ZNF326: variants seen among roughly 807,000 people sequenced by gnomAD.
ZNF326 encodes the protein DBIRD complex subunit ZNF326.
In ZNF326, 30 loss-of-function variants were observed where a neutral mutation model predicts 63.1. The observed-to-expected ratio is 0.48, with a 90% CI of 0.36 to 0.64. The LOEUF (loss-of-function observed/expected upper bound fraction) is 0.64. ZNF326 is among the 30% of genes least tolerant of loss of function. ZNF326 has a pLI of 0.00. For synonymous variants in ZNF326, 194 were observed against 228.2 expected (o/e 0.85, Z 1.35); for missense variants, 609 against 720.3 (o/e 0.85, Z 1.77).
rs1177632965 is a variant in ZNF326, at chr1:90,027,644, A to G, written c.1692A>G (p.Glu564=). The stretch of plus-strand genomic sequence containing the variant: ...TAGAGGAAGTAGAGGAATTAGAGGA[A>G]GAGACAGCAAAGGAAGAACCTGCTG... ...GEVEEVEELE[E]ETAKEEPADF... Residue 564 remains glutamate (E), a synonymous_variant, in exon 12 of 12, where the codon GAA becomes GAG. Coordinates refer to ENST00000340281, the MANE Select transcript of ZNF326 (RefSeq NM_182976.4). 1.2e-6 allele frequency: 2 copies of G among 1,614,052 alleles called. No individual in the cohort carries two copies. The highest frequency in any genetic ancestry group is 1.7e-5 in the Admixed American group (1 of 60,000).
intron 1 of ZNF326, among the ~76,000 whole-genome samples, chr1:89,997,824 GT>G (rs1431078586): frequency 1.3e-5 from 2 of 152,172 alleles, no homozygotes; most frequent in African/African-American, 2.4e-5. Context: ...GTACAAATCA[GT>G]GCTGAATCCC....
chr1:90,003,752 A>G (rs894865880), intron 2 of ZNF326, among the ~76,000 whole-genome samples: 2 of 152,212 alleles, frequency 1.3e-5, no homozygotes, highest in African/African-American at 4.8e-5. Context: ...TGGGAAAATC[A>G]TTTCATCTCT....
chr1:90,016,444 G>A (rs990352529), intron 7 of ZNF326, among the ~76,000 whole-genome samples: 8 of 152,080 alleles, frequency 5.3e-5, no homozygotes, highest in African/African-American at 1.9e-4. Context: ...TTCTGGTCAC[G>A]GTGGCTCACA....
intron 1 of ZNF326, among the ~76,000 whole-genome samples, chr1:89,996,359 T>G (rs1648375152): frequency 6.6e-6 from 1 of 152,218 alleles, no homozygotes; most frequent in Non-Finnish European, 1.5e-5. Flanking sequence ...AGCATATGTC[T>G]TACTCGATGA....
chr1:90,013,300 C>T, intron 7 of ZNF326, 63 bp downstream of exon 7: 2 of 1,232,300 alleles, frequency 1.6e-6, no homozygotes, highest in Non-Finnish European at 2.2e-6. Context: ...AAAGCCAACA[C>T]ATCAATTGTA....
rs977291755 is a variant in ZNF326, at chr1:90,033,458, A to G, written c.*5757A>G. 2.0e-5 allele frequency: 3 copies of G among 152,154 alleles called. No individual in the cohort carries two copies. The highest frequency in any genetic ancestry group is 4.4e-5 in the Non-Finnish European group (3 of 68,008). The allele number at this position is 152,154 out of a possible 1,614,324, so 9.4% of individuals were successfully genotyped here. On this transcript the variant is annotated 3_prime_UTR_variant, in exon 12 of 12. Coordinates refer to ENST00000340281, the MANE Select transcript of ZNF326 (RefSeq NM_182976.4). Reference sequence around the variant, plus strand: ...GGAATAATAATTACTACTACTTATAATAGTTTCATATGTAATCCTCATCAT... The same window carrying G: ...GGAATAATAATTACTACTACTTATAGTAGTTTCATATGTAATCCTCATCAT...
At chr1:90,017,251 A>T in intron 7 of ZNF326, 66 bp from the exon 8 acceptor site, 1 of 1,136,654 alleles carries the variant, frequency 8.8e-7, no homozygotes, top group Non-Finnish European at 1.2e-6. Context: ...TCAATGTTAT[A>T]TTCTTATGAA....
intron 10 of ZNF326, among the ~76,000 whole-genome samples, chr1:90,021,893 C>T (rs1649787238): frequency 6.6e-6 from 1 of 152,060 alleles, no homozygotes; most frequent in Non-Finnish European, 1.5e-5. Flanking sequence ...TAGAGGAAGA[C>T]TAGATACTCT....
chr1:89,997,984 C>T (rs971767745), intron 1 of ZNF326, 126 bp from the exon 2 acceptor site: 6 of 693,338 alleles, frequency 8.7e-6, no homozygotes, highest in Non-Finnish European at 1.2e-5. Context: ...TAACTATTCT[C>T]AGTTTTGCAG....
intron 6 of ZNF326, 148 bp from the exon 7 acceptor site, chr1:90,012,978 A>G (rs1406284313): frequency 5.9e-6 from 3 of 506,384 alleles, no homozygotes; most frequent in Non-Finnish European, 1.0e-5. Flanking sequence ...AATACTGGAT[A>G]GTCTCAAACT....
At position 90,007,632 on chromosome 1, in the gene ZNF326, A is replaced by T; in HGVS notation, c.497A>T (p.Lys166Met). The T allele has an allele frequency of 1.9e-6, 3 of 1,578,126 alleles. No individual in the cohort carries two copies. Among genetic ancestry groups the T allele is most frequent in the Non-Finnish European group, 2.6e-6 (3 of 1,162,194 alleles). ...SYSSFSSPHM[K>M]PAPVGSRGRG... ...AGCAGTTTTTCTTCACCCCATATGA[A>T]GCCTGCACCTGTAGGCTCTCGGGGG... is the stretch of plus-strand genomic sequence containing the variant. The change falls in exon 5 of 12, where the codon AAG (lysine) becomes ATG (methionine). Residue 166 changes from lysine to methionine, a missense_variant. Around this residue, in one of 3 missense-constraint regions of ZNF326, gnomAD observed 113 missense variants for 187.4 expected, o/e 0.60. Transcript: ENST00000340281. This position sits in a 1 kb window ranked among gnomAD's most constrained non-coding sequence, Gnocchi z 4.9.
At chr1:89,999,937 A>G (rs1190403374) in intron 2 of ZNF326, among the ~76,000 whole-genome samples, 1 of 152,238 alleles carries the variant, frequency 6.6e-6, no homozygotes, top group Non-Finnish European at 1.5e-5. Context: ...AATAGTAAAC[A>G]AGATAAGAAA....
At position 90,012,691 on chromosome 1, in the gene ZNF326, A is replaced by G. The variant is rs1174924602; in HGVS notation, c.815-435A>G. 2.6e-5 allele frequency among the ~76,000 whole-genome samples: 4 copies of G among 152,214 alleles called. No individual in the cohort carries two copies. In the East Asian group the frequency reaches 5.8e-4, roughly 22 times the overall value. On this transcript the variant is annotated intron_variant, in intron 6 of 11. Transcript: ENST00000340281. ...TTTAAGAAACTTTCTGAGAGCTCCT[A>G]CAATATGAACATGAGTTCTTGCATC... is the stretch of plus-strand genomic sequence containing the variant.
At chr1:90,000,252 T>C (rs988675290) in intron 2 of ZNF326, among the ~76,000 whole-genome samples, 9 of 152,230 alleles carry the variant, frequency 5.9e-5, no homozygotes, top group African/African-American at 2.2e-4. Flanking sequence ...GTTAGCACTG[T>C]ATTTTCTAGG....
intron 4 of ZNF326, among the ~76,000 whole-genome samples, chr1:90,006,845 T>C (rs1164426345): frequency 6.6e-6 from 1 of 152,208 alleles, no homozygotes; most frequent in Non-Finnish European, 1.5e-5. Flanking sequence ...AAGCAGTTTG[T>C]GATATAGATT....
rs1195595001 is a variant in ZNF326 at position 90,034,883 on chromosome 1, C to G, written c.*7182C>G. 2 of 151,890 alleles carry G rather than the reference C, an allele frequency of 1.3e-5. No individual in the cohort carries two copies. The highest frequency in any genetic ancestry group is 2.1e-4 in the South Asian group (1 of 4,806). The allele number at this position is 151,890 out of a possible 1,614,324, so 9.4% of individuals were successfully genotyped here. On this transcript the variant is annotated 3_prime_UTR_variant, in exon 12 of 12. Transcript: ENST00000340281. ...AACTGGTCATGTTGAAAAAACATGA[C>G]CAATTAAATATCCCAAAATAATGTG...
Position 90,031,765 on chromosome 1 carries a change from G to A in ZNF326, c.*4064G>A, listed in dbSNP as rs1650282039. The stretch of plus-strand genomic sequence containing the variant: ...AATAGAGATGGGGTTTCATTATATT[G>A]GTTAGGTTGGTCTTGAACTCCTGAC... On this transcript the variant is annotated 3_prime_UTR_variant, in exon 12 of 12. Coordinates refer to ENST00000340281, the MANE Select transcript of ZNF326 (RefSeq NM_182976.4). 1.3e-5 allele frequency: 2 copies of A among 151,968 alleles called. No homozygotes were observed. The highest frequency in any genetic ancestry group is 1.3e-4 in the Admixed American group (2 of 15,248). The allele number at this position is 151,968 out of a possible 1,614,324, so 9.4% of individuals were successfully genotyped here. A position where few individuals can be genotyped will look rare whatever the true frequency, so the allele number is the denominator to read the frequency against.
intron 1 of ZNF326, among the ~76,000 whole-genome samples, chr1:89,997,523 A>G (rs1404214934): frequency 6.6e-6 from 1 of 151,958 alleles, no homozygotes; most frequent in East Asian, 1.9e-4. Context: ...ACAGGCACGC[A>G]CCACCAGGCC....
Position 90,027,513 on chromosome 1 carries a change from G to C in ZNF326, c.1561G>C (p.Val521Leu). 6.2e-7 allele frequency: 1 copy of C among 1,612,410 alleles called. No individual in the cohort carries two copies. Among genetic ancestry groups the C allele is most frequent in the Non-Finnish European group, 8.5e-7 (1 of 1,179,168 alleles). The change falls in exon 12 of 12, where the codon GTA becomes CTA. Residue 521 changes from valine (V) to leucine (L), a missense_variant. By Grantham distance (32) the Val-to-Leu change is conservative (BLOSUM62 1). Around this residue, in one of 3 missense-constraint regions of ZNF326, gnomAD observed 399 missense variants for 444.3 expected, o/e 0.90. Transcript: ENST00000340281. ...EVGEVEEVEEVEEVREGGIEG... is the reference protein window; with the variant it reads ...EVGEVEEVEELEEVREGGIEG... ...GGGGGAAGTAGAGGAAGTGGAAGAA[G>C]TAGAGGAAGTGAGAGAAGGAGGAAT... is the stretch of plus-strand genomic sequence containing the variant.
Sources: allele counts gnomAD v4.1 joint callset (sites outside exome capture counted in the v4.1 genomes callset), GRCh38; gene constraint gnomAD v4.1.1; regional missense constraint gnomAD v4.1.1; non-coding constraint Gnocchi (gnomAD v3.1); transcripts MANE v1.5; gene names NCBI Gene and HGNC (gene_info 2026-07-23, HGNC 2026-07-21).